MYZAP: variants seen among roughly 807,000 people sequenced by gnomAD.
MYZAP encodes GRINL1A complex locus upstream.
Under a neutral mutation model 69.4 loss-of-function variants are expected in MYZAP, and 66 were observed. The observed-to-expected ratio is 0.95, with a 90% CI of 0.78 to 1.17. The LOEUF is 1.17. Ranked by LOEUF, MYZAP falls within the 50% of genes most tolerant of loss-of-function variation. The probability of loss-of-function intolerance (pLI) is 0.00; values close to 1 mark genes in which losing one functional copy is unlikely to be tolerated. For synonymous variants in MYZAP, 256 were observed against 205.9 expected, an observed-to-expected ratio of 1.24 and a Z score of -2.09; for missense variants, 611 against 556.2, an observed-to-expected ratio of 1.10 and a Z score of -0.99.
At chr15:57,598,556 A>G (rs1418222849) in intron 1 of MYZAP, among the ~76,000 whole-genome samples, 1 of 152,194 alleles carries the variant, frequency 6.6e-6, no homozygotes, top group Non-Finnish European at 1.5e-5. Flanking sequence ...CCTTCCGTCC[A>G]TTGTGTGGTG....
Position 57,618,294 on chromosome 15 carries a change from A to G in MYZAP, c.318+106A>G, listed in dbSNP as rs376746390. The G allele has an allele frequency of 3.5e-5, 51 of 1,476,852 alleles. No homozygotes were observed. The African/African-American group carries it at 6.5e-4, about 19-fold the overall frequency. 91.5% of individuals were successfully genotyped at this position (1,476,852 alleles called of 1,614,324 possible). On this transcript the variant is annotated intron_variant, in intron 3 of 12. Transcript: ENST00000267853. ...GAATGTAATAAGGCATTTTGAAAGA[A>G]TTCTTAGTGTTATCATTTTGGCTGG...
chr15:57,665,766 G>A (rs10162772), intron 11 of MYZAP, among the ~76,000 whole-genome samples: 100,871 of 152,048 alleles, frequency 0.66, 33,609 homozygotes, highest in East Asian at 0.86. Context: ...TATGGAGGAG[G>A]TCTTGACACC....
chr15:57,675,212 TG>T, intron 12 of MYZAP, 144 bp downstream of exon 12: 1 of 789,128 alleles, frequency 1.3e-6, no homozygotes, highest in Non-Finnish European at 2.0e-6. Context: ...CTGAGAGGCT[TG>T]ACTGGTTTCT....
chr15:57,623,445 G>C (rs541764618), intron 4 of MYZAP, among the ~76,000 whole-genome samples: 1 of 152,254 alleles, frequency 6.6e-6, no homozygotes, highest in South Asian at 2.1e-4. Context: ...TCAAGTAGAG[G>C]AAAGTGGACA....
intron 2 of MYZAP, among the ~76,000 whole-genome samples, chr15:57,612,589 C>T (rs945828193): frequency 1.3e-5 from 2 of 152,174 alleles, no homozygotes; most frequent in Non-Finnish European, 2.9e-5. Flanking sequence ...CTTTTTGGAG[C>T]TTGTTGCATT....
intron 12 of MYZAP, among the ~76,000 whole-genome samples, chr15:57,681,669 C>T (rs1419167453): frequency 6.6e-6 from 1 of 152,118 alleles, no homozygotes; most frequent in African/African-American, 2.4e-5. Flanking sequence ...CCTGTAATCC[C>T]AGCTACTTGG....
At chr15:57,596,517 C>G (rs1393487129) in intron 1 of MYZAP, among the ~76,000 whole-genome samples, 1 of 152,172 alleles carries the variant, frequency 6.6e-6, no homozygotes, top group African/African-American at 2.4e-5. Flanking sequence ...TACCTCTTTC[C>G]CTCTTTGGTG....
At position 57,632,455 on chromosome 15, in the gene MYZAP, A is replaced by G; in HGVS notation, c.700A>G (p.Asn234Asp). 2 of 1,614,160 alleles carry G rather than the reference A, an allele frequency of 1.2e-6. No homozygotes were observed. The highest frequency in any genetic ancestry group is 8.5e-7 in the Non-Finnish European group (1 of 1,180,012). Residue 234 changes from asparagine (N) to aspartate (D), a missense_variant, in exon 7 of 13, where the codon AAT becomes GAT. Physicochemically the swap from Asn to Asp is conservative, Grantham distance 23. Transcript: ENST00000267853. ...KMKVESSQEA[N>D]AEVMREMTKK... ...GTAGGTGGAATCGTCCCAAGAAGCC[A>G]ATGCTGAGGTGATGCGAGAGATGAC... is the stretch of plus-strand genomic sequence containing the variant.
chr15:57,599,689 G>A (rs189403851), intron 1 of MYZAP: 786 of 1,288,866 alleles, frequency 6.1e-4, no homozygotes, highest in Non-Finnish European at 7.4e-4. Context: ...GATCAGCCTC[G>A]TAAAATGCTC....
intron 11 of MYZAP, among the ~76,000 whole-genome samples, chr15:57,671,244 G>A (rs1161896202): frequency 6.6e-6 from 1 of 151,956 alleles, no homozygotes; most frequent in Non-Finnish European, 1.5e-5. Flanking sequence ...ATTGTTTCTG[G>A]GTTCCATGGT....
intron 2 of MYZAP, among the ~76,000 whole-genome samples, chr15:57,609,730 G>T (rs1446289086): frequency 8.5e-5 from 13 of 152,144 alleles, no homozygotes; most frequent in African/African-American, 3.1e-4. Flanking sequence ...TTAATAATAT[G>T]GGAGGGAGGA....
At chr15:57,656,574 A>G (rs543481320) in intron 10 of MYZAP, among the ~76,000 whole-genome samples, 48 of 152,316 alleles carry the variant, frequency 3.2e-4, no homozygotes, top group Admixed American at 7.8e-4. Context: ...ACCCAGGAGC[A>G]TGTGAGTCTA....
intron 10 of MYZAP, among the ~76,000 whole-genome samples, chr15:57,654,590 A>G (rs1240954199): frequency 2.6e-5 from 4 of 152,188 alleles, no homozygotes; most frequent in Non-Finnish European, 5.9e-5. Flanking sequence ...TGTTTTCTTC[A>G]TTAATTTCTC....
At chr15:57,660,015 G>A (rs2038203355) in intron 10 of MYZAP, among the ~76,000 whole-genome samples, 1 of 152,110 alleles carries the variant, frequency 6.6e-6, no homozygotes, top group African/African-American at 2.4e-5. Flanking sequence ...CGAGTATACT[G>A]TCTACCTTGC....
rs2036641068 is a variant in MYZAP at position 57,633,663 on chromosome 15, G to A, written c.855G>A (p.Met285Ile). 6.2e-7 allele frequency: 1 copy of A among 1,613,512 alleles called. No homozygotes were observed. Among genetic ancestry groups the A allele is most frequent in the East Asian group, 2.2e-5 (1 of 44,840 alleles). Residue 285 changes from methionine to isoleucine, a missense_variant, in exon 8 of 13, where the codon ATG becomes ATA. Coordinates refer to ENST00000267853, the MANE Select transcript of MYZAP (RefSeq NM_001018100.5). Reference protein sequence around the residue: ...LKAIEEANKKMQAAEISLEEK... With the variant: ...LKAIEEANKKIQAAEISLEEK... ...CGATTGAAGAAGCCAATAAAAAGAT[G>A]CAAGCAGCAGAGATCAGCCTAGAGG...
chr15:57,602,277 A>C (rs1432794091), intron 1 of MYZAP, among the ~76,000 whole-genome samples: 1 of 152,104 alleles, frequency 6.6e-6, no homozygotes, highest in Admixed American at 6.5e-5. Flanking sequence ...CTTGTCTCAC[A>C]GTTCTGGAGG....
Position 57,616,343 on chromosome 15 carries a change from A to G in MYZAP, c.163-1690A>G, listed in dbSNP as rs2035443162. Among the ~76,000 whole-genome samples, 4 of 152,306 alleles carry G rather than the reference A, an allele frequency of 2.6e-5. No homozygotes were observed. In the South Asian group the frequency reaches 8.3e-4, roughly 32 times the overall value. ...CAGATGGTGAAACCTTGTCTGTACT[A>G]AAAATACAAAAATTGGCTGGGCGCA... On this transcript the variant is annotated intron_variant, in intron 2 of 12. Coordinates refer to ENST00000267853, the MANE Select transcript of MYZAP (RefSeq NM_001018100.5).
intron 1 of MYZAP, chr15:57,599,731 G>C: frequency 7.8e-7 from 1 of 1,285,102 alleles, no homozygotes; most frequent in Non-Finnish European, 1.0e-6. Context: ...GATGTTACTC[G>C]GGGAGATTTT....
chr15:57,676,290 C>G (rs1163725847), intron 12 of MYZAP, among the ~76,000 whole-genome samples: 2 of 151,406 alleles, frequency 1.3e-5, no homozygotes, highest in African/African-American at 4.9e-5. Flanking sequence ...AAGAATTTAC[C>G]AAAAGCGGCA....
Sources: allele counts gnomAD v4.1 joint callset (sites outside exome capture counted in the v4.1 genomes callset), GRCh38; gene constraint gnomAD v4.1.1; transcripts MANE v1.5; gene names NCBI Gene and HGNC (gene_info 2026-07-23, HGNC 2026-07-21).